The following HMOX2 variants were observed in gnomAD, a reference collection of about 807,000 sequenced individuals.
The protein encoded by HMOX2 is heme oxygenase 2, also known as heme oxygenase (decycling) 2.
A neutral mutation model predicts 33.7 loss-of-function variants in HMOX2; 30 were observed. That is an observed-to-expected ratio of 0.89 (90% CI 0.67 to 1.21). The LOEUF (loss-of-function observed/expected upper bound fraction) is 1.21, where lower values mean the gene tolerates loss of function less well. Among genes scored for constraint, HMOX2 ranks in the 50% most tolerant of loss-of-function variants. HMOX2 has a pLI of 0.00. For missense variants in HMOX2, 403 were observed against 399.1 expected (o/e 1.01, Z -0.08); for synonymous variants, 155 against 155.0 (o/e 1.00, Z 0.00).
intron 1 of HMOX2, among the ~76,000 whole-genome samples, chr16:4,484,464 T>TC (rs1462043250): frequency 5.4e-5 from 8 of 147,652 alleles, no homozygotes; most frequent in Non-Finnish European, 9.0e-5. Flanking sequence ...TCTTTTCTTT[T>TC]TTTTTTTTTT....
In HMOX2 at chr16:4,508,221, C is replaced by T; in HGVS notation, c.696+17C>T. 1 of 1,582,210 alleles carries T rather than the reference C, an allele frequency of 6.3e-7. No homozygotes were observed. Among genetic ancestry groups the T allele is most frequent in the South Asian group, 1.2e-5 (1 of 86,074 alleles). ...AACATGCAGGTACTATTGGGGGCTG[C>T]CAGCTGCTAGGGCTGAAGAGGGAAA... is the stretch of plus-strand genomic sequence containing the variant. On this transcript the variant is annotated intron_variant, in intron 4 of 5. Transcript: ENST00000570646.
In HMOX2 at chr16:4,479,726, A is replaced by ATTTTTTTTTTT. The variant is rs58936845; in HGVS notation, c.-42+3261_-42+3271dup. 5.0e-5 allele frequency among the ~76,000 whole-genome samples: 4 copies of ATTTTTTTTTTT among 79,850 alleles called. 1 individual carries two copies. The highest frequency in any genetic ancestry group is 4.7e-5 in the Non-Finnish European group (2 of 42,960). 52.4% of individuals were successfully genotyped at this position (79,850 alleles called of 152,430 possible). On this transcript the variant is annotated intron_variant, in intron 1 of 5. Transcript: ENST00000570646. ...ACCCAGCCTGCCTTTTTCTTATTCT[A>ATTTTTTTTTTT]TTTTTTTTTTTTTTTTTTTTTTTTT...
intron 1 of HMOX2, among the ~76,000 whole-genome samples, chr16:4,484,442 T>C (rs530161107): frequency 6.7e-6 from 1 of 149,870 alleles, no homozygotes; most frequent in Non-Finnish European, 1.5e-5. Context: ...TCCAGGATGC[T>C]CAAGTTTCTT....
intron 1 of HMOX2, among the ~76,000 whole-genome samples, chr16:4,505,020 AG>A (rs374993106): frequency 1.8e-3 from 279 of 152,260 alleles, no homozygotes; most frequent in African/African-American, 5.5e-3. Context: ...AATAGTACAA[AG>A]AACTCTCATA....
At chr16:4,480,138 C>T (rs1411725724) in intron 1 of HMOX2, among the ~76,000 whole-genome samples, 1 of 151,966 alleles carries the variant, frequency 6.6e-6, no homozygotes, top group Non-Finnish European at 1.5e-5. Flanking sequence ...ATCTCTGCCT[C>T]TGGGGTTCAA....
chr16:4,509,563 C>T, intron 5 of HMOX2, 25 bp downstream of exon 5: 1 of 1,614,130 alleles, frequency 6.2e-7, no homozygotes, highest in Admixed American at 1.7e-5. Context: ...CCTGAGCTCC[C>T]CTCCTGGGGC....
At chr16:4,484,764 G>A (rs944854339) in intron 1 of HMOX2, among the ~76,000 whole-genome samples, 13 of 151,956 alleles carry the variant, frequency 8.6e-5, no homozygotes, top group African/African-American at 3.1e-4. Flanking sequence ...CCCAGCTTAA[G>A]TTTCTTATAT....
chr16:4,488,801 T>C (rs567870435), intron 1 of HMOX2: 3 of 151,402 alleles, frequency 2.0e-5, no homozygotes, highest in Admixed American at 1.3e-4. Flanking sequence ...CTACCATGAC[T>C]GTTAAAAATG....
At chr16:4,481,660 C>T (rs1015878856) in intron 1 of HMOX2, 2 of 152,188 alleles carry the variant, frequency 1.3e-5, no homozygotes, top group African/African-American at 4.8e-5. Flanking sequence ...AACTCTCTCT[C>T]TAGATTGAAA....
At chr16:4,474,897 C>T (rs2057771622), upstream of HMOX2, 1 of 152,210 alleles carries the variant, frequency 6.6e-6, no homozygotes, top group South Asian at 2.1e-4. Flanking sequence ...TGAGTCTTAT[C>T]CCTTGAGGCC....
intron 1 of HMOX2, among the ~76,000 whole-genome samples, chr16:4,499,178 G>A (rs1005759422): frequency 6.6e-6 from 1 of 152,196 alleles, no homozygotes; most frequent in Non-Finnish European, 1.5e-5. Context: ...TCTCACCAGC[G>A]ACTTCCTCAG....
chr16:4,481,432 G>A (rs1244746364), intron 1 of HMOX2, among the ~76,000 whole-genome samples: 2 of 151,950 alleles, frequency 1.3e-5, no homozygotes, highest in Non-Finnish European at 2.9e-5. Flanking sequence ...TGACTGGCTG[G>A]CCTCATAAGT....
intron 1 of HMOX2, among the ~76,000 whole-genome samples, chr16:4,483,341 C>T (rs992730003): frequency 4.0e-5 from 6 of 151,890 alleles, no homozygotes; most frequent in Non-Finnish European, 8.8e-5. Context: ...TGAAAGTTCC[C>T]ACCCTCTAAT....
upstream of HMOX2, chr16:4,476,366 G>C (rs943559727): frequency 1.3e-5 from 2 of 152,282 alleles, no homozygotes; most frequent in Non-Finnish European, 2.9e-5. Context: ...CCCGCGCTGC[G>C]TGCCCACGTT....
chr16:4,483,925 T>G (rs1254315910), intron 1 of HMOX2, among the ~76,000 whole-genome samples: 2 of 151,786 alleles, frequency 1.3e-5, no homozygotes, highest in Non-Finnish European at 2.9e-5. Context: ...AATTTATCTC[T>G]GTATCTTCTT....
chr16:4,508,916 TCCACACCTCC>T (rs1359464799), intron 4 of HMOX2, among the ~76,000 whole-genome samples: 4 of 152,144 alleles, frequency 2.6e-5, no homozygotes, highest in Non-Finnish European at 4.4e-5. Context: ...GGTACCAATA[TCCACACCTCC>T]CCAGAGCTCT....
Position 4,505,561 on chromosome 16 carries a change from G to T in HMOX2, c.37G>T (p.Glu13Ter). The change falls in exon 2 of 6, where the codon GAG becomes TAG. Residue 13 changes from glutamate (E) to a stop codon, truncating the protein, a stop_gained. Coordinates refer to ENST00000570646, the MANE Select transcript of HMOX2 (RefSeq NM_002134.4). LOFTEE classifies it high-confidence loss of function. ...AGTGGAAACCTCAGAGGGGGTAGAC[G>T]AGTCAGAAAAAAAGAACTCTGGGGC... ...AEVETSEGVD[E>*]SEKKNSGALE... 6.2e-7 allele frequency: 1 copy of T among 1,606,662 alleles called. No homozygotes were observed. Among genetic ancestry groups the T allele is most frequent in the East Asian group, 2.2e-5 (1 of 44,508 alleles).
chr16:4,486,403 G>C (rs1201409479), intron 1 of HMOX2, among the ~76,000 whole-genome samples: 1 of 149,352 alleles, frequency 6.7e-6, no homozygotes. Flanking sequence ...ACTGGCTAGT[G>C]TGGGTGAGGC....
At chr16:4,506,868 A>G (rs760898988) in intron 2 of HMOX2, 27 bp from the exon 3 acceptor site, 3 of 1,522,850 alleles carry the variant, frequency 2.0e-6, no homozygotes, top group South Asian at 2.2e-5. Context: ...GCTAATTGAC[A>G]CACAAACACC....
Sources: allele counts gnomAD v4.1 joint callset (sites outside exome capture counted in the v4.1 genomes callset), GRCh38; gene constraint gnomAD v4.1.1; transcripts MANE v1.5; gene names NCBI Gene and HGNC (gene_info 2026-07-23, HGNC 2026-07-21).